Variants in BAIAP2L2 observed in about 807,000 individuals in gnomAD.
BAIAP2L2 encodes the protein BAR/IMD domain containing adaptor protein 2 like 2.
Under a neutral mutation model 60.4 loss-of-function variants are expected in BAIAP2L2, and 65 were observed. That is an observed-to-expected ratio of 1.08 (90% CI 0.88 to 1.32). The LOEUF (loss-of-function observed/expected upper bound fraction) is 1.32. Ranked by LOEUF, BAIAP2L2 falls within the 40% of genes most tolerant of loss-of-function variation. The probability of loss-of-function intolerance (pLI) is 0.00; values close to 1 mark genes in which losing one functional copy is unlikely to be tolerated. For missense variants in BAIAP2L2, 836 were observed against 741.2 expected (o/e 1.13, Z -1.48); for synonymous variants, 344 against 301.7 (o/e 1.14, Z -1.45).
chr22:38,101,537 A>AC (rs2086568607), intron 4 of BAIAP2L2, among the ~76,000 whole-genome samples: 1 of 103,300 alleles, frequency 9.7e-6, no homozygotes. Flanking sequence ...ACACAGTGAG[A>AC]TCCTGTCTCA....
At chr22:38,087,299 A>C (rs933744387) in intron 10 of BAIAP2L2, 35 bp from the exon 11 acceptor site, 1 of 1,580,030 alleles carries the variant, frequency 6.3e-7, no homozygotes, top group Admixed American at 1.9e-5. Flanking sequence ...TGACCAAAAG[A>C]AGCCAGGCCT....
intron 2 of BAIAP2L2, 54 bp from the exon 3 acceptor site, chr22:38,108,395 T>C: frequency 7.1e-7 from 1 of 1,400,242 alleles, no homozygotes. Context: ...CCCACCCTTC[T>C]GGAGGCTCTT....
At chr22:38,085,557 C>A in intron 13 of BAIAP2L2, 129 bp downstream of exon 13, 2 of 1,325,242 alleles carry the variant, frequency 1.5e-6, no homozygotes, top group South Asian at 1.2e-5. Context: ...CAGTGTTGCT[C>A]AAGCTGATGT....
Position 38,098,429 on chromosome 22 carries a change from C to T in BAIAP2L2, c.330G>A (p.Leu110=), listed in dbSNP as rs1178004374. The change falls in exon 5 of 14, where the codon CTG becomes CTA. Residue 110 remains leucine (L), a synonymous_variant. Transcript: ENST00000381669. ...LLQHMEKNTK[L]DMQFIKDSRQ... is the part of the protein sequence containing the mutation. ...GACTCACTTTGATGAACTGCATGTC[C>T]AGCTTGGTGTTCTTCTCCATGTGCT... The T allele has an allele frequency of 6.2e-7, 1 of 1,613,904 alleles. No homozygotes were observed.
chr22:38,085,794 T>C (rs1256290046), intron 12 of BAIAP2L2, 62 bp from the exon 13 acceptor site: 2 of 1,431,394 alleles, frequency 1.4e-6, no homozygotes, highest in African/African-American at 2.8e-5. Flanking sequence ...CCCTTGCTCC[T>C]CCCCTCCCTC....
At chr22:38,093,023 G>A (rs1318890512) in intron 7 of BAIAP2L2, among the ~76,000 whole-genome samples, 3 of 151,954 alleles carry the variant, frequency 2.0e-5, no homozygotes, top group Admixed American at 2.0e-4. Flanking sequence ...AAAAATTAAC[G>A]GGCATGGTGG....
chr22:38,097,850 A>G (rs1177476509), intron 6 of BAIAP2L2, among the ~76,000 whole-genome samples: 1 of 152,134 alleles, frequency 6.6e-6, no homozygotes, highest in Non-Finnish European at 1.5e-5. Context: ...CCAGTAAGCC[A>G]CAGGGCAAGG....
At position 38,086,345 on chromosome 22, in the gene BAIAP2L2, G is replaced by T; in HGVS notation, c.1364C>A (p.Thr455Asn). 2 of 1,599,162 alleles carry T rather than the reference G, an allele frequency of 1.3e-6. No homozygotes were observed. The highest frequency in any genetic ancestry group is 2.2e-5 in the South Asian group (2 of 89,090). Residue 455 changes from threonine (T) to asparagine (N), a missense_variant, in exon 12 of 14, where the codon ACC becomes AAC. Coordinates refer to ENST00000381669, the MANE Select transcript of BAIAP2L2 (RefSeq NM_025045.6). ...GGCACGGCTTGGCACCCGGCTTGGGGTGCGGGAGCGGGACTGGCCATCCCA... is the reference window on the plus strand; with the variant it reads ...GGCACGGCTTGGCACCCGGCTTGGGTTGCGGGAGCGGGACTGGCCATCCCA... ...EYWDGQSRSRTPSRVPSRAPS... is the reference protein window; with the variant it reads ...EYWDGQSRSRNPSRVPSRAPS...
At chr22:38,085,474 C>T in intron 13 of BAIAP2L2, 99 bp from the exon 14 acceptor site, 1 of 1,390,016 alleles carries the variant, frequency 7.2e-7, no homozygotes, top group South Asian at 1.2e-5. Flanking sequence ...GTCCTGCCTC[C>T]TGCCCCTATT....
intron 1 of BAIAP2L2, among the ~76,000 whole-genome samples, chr22:38,110,115 GA>G (rs2086794904): frequency 3.1e-5 from 2 of 64,134 alleles, no homozygotes; most frequent in Admixed American, 1.5e-4. Flanking sequence ...GAGGGAGAGA[GA>G]GAGGGAGAGA....
At chr22:38,089,361 GGGGGCGCGGAGAACGCGCC>G in intron 8 of BAIAP2L2, 130 bp from the exon 9 acceptor site, 1 of 563,816 alleles carries the variant, frequency 1.8e-6, no homozygotes, top group Non-Finnish European at 2.6e-6. Flanking sequence ...GGGCCACCAC[GGGGGCGCGGAGAACGCGCC>G]GGGGCGGAAG....
At position 38,098,393 on chromosome 22, in the gene BAIAP2L2, T is replaced by C. The variant is rs1324522947; in HGVS notation, c.348+18A>G. ...TGCCTGCAGTGAGTTGGGGGCCGAG[T>C]GGGGAGGCCAGACTCACTTTGATGA... On this transcript the variant is annotated intron_variant, in intron 5 of 13. Transcript: ENST00000381669. The C allele has an allele frequency of 6.2e-7, 1 of 1,611,070 alleles. No homozygotes were observed. Among genetic ancestry groups the C allele is most frequent in the Non-Finnish European group, 8.5e-7 (1 of 1,177,796 alleles).
At chr22:38,110,142 A>AGAGG (rs1569234538) in intron 1 of BAIAP2L2, among the ~76,000 whole-genome samples, 1 of 100,392 alleles carries the variant, frequency 1.0e-5, no homozygotes, top group East Asian at 2.6e-4. Context: ...AGAGAGAGAG[A>AGAGG]GAGAGAGGGA....
chr22:38,109,276 G>C, intron 1 of BAIAP2L2, 68 bp from the exon 2 acceptor site: 1 of 1,325,414 alleles, frequency 7.5e-7, no homozygotes, highest in South Asian at 1.2e-5. Flanking sequence ...CACGGATGGA[G>C]TCAAGTCACC....
intron 4 of BAIAP2L2, among the ~76,000 whole-genome samples, chr22:38,103,301 G>A (rs1306288322): frequency 6.6e-6 from 1 of 152,192 alleles, no homozygotes; most frequent in Admixed American, 6.5e-5. Flanking sequence ...TGTGTTATAT[G>A]TGTGTACACA....
intron 4 of BAIAP2L2, among the ~76,000 whole-genome samples, chr22:38,100,863 A>C (rs1487036035): frequency 1.3e-5 from 2 of 152,232 alleles, no homozygotes; most frequent in Non-Finnish European, 2.9e-5. Context: ...AGCTAGACAC[A>C]AAAGAATATA....
At chr22:38,088,646 C>G (rs894983992) in intron 10 of BAIAP2L2, 102 bp downstream of exon 10, 1 of 1,234,868 alleles carries the variant, frequency 8.1e-7, no homozygotes, top group East Asian at 2.7e-5. Context: ...CCGAGGCCCC[C>G]GGGGGAGGCC....
chr22:38,094,338 A>C (rs1420447720), intron 7 of BAIAP2L2, among the ~76,000 whole-genome samples: 1 of 152,184 alleles, frequency 6.6e-6, no homozygotes, highest in East Asian at 1.9e-4. Context: ...GGCATGTACA[A>C]CCACGCTTGG....
At chr22:38,096,926 G>T in intron 7 of BAIAP2L2, 106 bp downstream of exon 7, 1 of 1,293,274 alleles carries the variant, frequency 7.7e-7, no homozygotes, top group Non-Finnish European at 1.1e-6. Flanking sequence ...CAGACAGGCA[G>T]GCAGGGAGGG....
Sources: gnomAD v4.1 joint callset for allele counts (sites outside exome capture counted in the v4.1 genomes callset) on GRCh38, gnomAD v4.1.1 for gene constraint, MANE v1.5 for transcripts, NCBI Gene and HGNC (gene_info 2026-07-23, HGNC 2026-07-21) for gene names.